FARP1: variants seen among roughly 807,000 people sequenced by gnomAD.
FARP1 encodes the protein FERM, ARHGEF and pleckstrin domain-containing protein 1.
FARP1 carries 52 observed loss-of-function variants against 128.8 expected under a neutral mutation model. That is an observed-to-expected ratio of 0.40 (90% confidence interval 0.32 to 0.51). FARP1 has a LOEUF of 0.51. Ranked by LOEUF, FARP1 falls within the 20% of genes least tolerant of loss-of-function variation. FARP1 has a pLI of 0.45. For synonymous variants in FARP1, 580 were observed against 551.8 expected (o/e 1.05, Z -0.72); for missense variants, 1,333 against 1,367.9 (o/e 0.97, Z 0.40).
intron 1 of FARP1, among the ~76,000 whole-genome samples, chr13:98,210,604 C>T (rs183081231): frequency 6.6e-5 from 10 of 150,480 alleles, no homozygotes; most frequent in East Asian, 5.9e-4. Context: ...GGCTGGAGTG[C>T]GGTGGCGCGA....
intron 1 of FARP1, among the ~76,000 whole-genome samples, chr13:98,155,084 C>T (rs187890484): frequency 5.3e-5 from 8 of 152,230 alleles, no homozygotes; most frequent in East Asian, 3.9e-4. Flanking sequence ...TGGTGGCTCA[C>T]GCCTGTAATC....
chr13:98,178,257 A>G (rs1030706686), intron 1 of FARP1, among the ~76,000 whole-genome samples: 1 of 143,340 alleles, frequency 7.0e-6, no homozygotes, highest in Non-Finnish European at 1.5e-5. Flanking sequence ...GTGCAGTTAC[A>G]TGATCCCGGC....
intron 2 of FARP1, among the ~76,000 whole-genome samples, chr13:98,253,110 A>G (rs888526883): frequency 2.0e-5 from 3 of 152,234 alleles, no homozygotes; most frequent in Non-Finnish European, 4.4e-5. Flanking sequence ...TTAGTCTGCG[A>G]CGAAAGCAAT....
intron 1 of FARP1, among the ~76,000 whole-genome samples, chr13:98,174,367 A>C (rs184390480): frequency 6.6e-6 from 1 of 152,220 alleles, no homozygotes; most frequent in African/African-American, 2.4e-5. Flanking sequence ...AGGGACATAC[A>C]TGAAGCATTG....
intron 1 of FARP1, among the ~76,000 whole-genome samples, chr13:98,212,478 G>A (rs1289634920): frequency 6.6e-6 from 1 of 152,180 alleles, no homozygotes; most frequent in Non-Finnish European, 1.5e-5. Flanking sequence ...CAGAGGCAGC[G>A]AGAGGGGAGG....
Position 98,377,173 on chromosome 13 carries a change from G to A in FARP1, c.399-648G>A, listed in dbSNP as rs1321248616. On this transcript the variant is annotated intron_variant, in intron 5 of 26. Coordinates refer to ENST00000319562, the MANE Select transcript of FARP1 (RefSeq NM_005766.4). ...AAAAATTAGCTGGGCGTGGTGGCGT[G>A]CACCTGTAGTCCCAGCTACTCGGGA... Among the ~76,000 whole-genome samples, 6 of 151,810 alleles carry A rather than the reference G, an allele frequency of 4.0e-5. No homozygotes were observed. In the South Asian group the frequency reaches 1.3e-3, roughly 32 times the overall value.
At chr13:98,226,327 G>A (rs577933666) in intron 2 of FARP1, among the ~76,000 whole-genome samples, 5 of 152,118 alleles carry the variant, frequency 3.3e-5, no homozygotes, top group Non-Finnish European at 5.9e-5. Context: ...TTCTTGCTGC[G>A]CAAGTGTTTC....
At chr13:98,435,796 C>CTTGCAAA in intron 19 of FARP1, 90 bp downstream of exon 19, 1 of 1,369,396 alleles carries the variant, frequency 7.3e-7, no homozygotes, top group East Asian at 2.3e-5. Context: ...AAGAGAGACC[C>CTTGCAAA]TTGCAAAGCA....
In FARP1 at chr13:98,451,810, C is replaced by T. The variant is rs924788307; in HGVS notation, c.*3493C>T. The T allele has an allele frequency of 6.6e-6, 1 of 152,338 alleles. No homozygotes were observed. Among genetic ancestry groups the T allele is most frequent in the Non-Finnish European group, 1.5e-5 (1 of 68,114 alleles). 9.4% of individuals were successfully genotyped at this position (152,338 alleles called of 1,614,324 possible). On this transcript the variant is annotated 3_prime_UTR_variant, in exon 27 of 27. Transcript: ENST00000319562. Reference sequence around the variant, plus strand: ...CTCCAGAAACCCAGAGATTTTCCCCCTCGCCAAGCAAGGTCCCACAGCAAA... The same window carrying T: ...CTCCAGAAACCCAGAGATTTTCCCCTTCGCCAAGCAAGGTCCCACAGCAAA...
chr13:98,281,707 G>A (rs1387611537), intron 2 of FARP1, among the ~76,000 whole-genome samples: 4 of 152,164 alleles, frequency 2.6e-5, no homozygotes, highest in African/African-American at 9.7e-5. Context: ...TGAGTCTTTG[G>A]CATTTGACAA....
At chr13:98,249,144 A>G (rs1160143889) in intron 2 of FARP1, among the ~76,000 whole-genome samples, 1 of 152,100 alleles carries the variant, frequency 6.6e-6, no homozygotes, top group East Asian at 1.9e-4. Flanking sequence ...TCCCTAGTTC[A>G]GTGGTGACCA....
intron 2 of FARP1, chr13:98,234,574 A>G (rs530865641): frequency 2.0e-4 from 31 of 152,348 alleles, no homozygotes; most frequent in African/African-American, 7.5e-4. Flanking sequence ...TGATGGAGTG[A>G]TAGTGTGTTA....
At chr13:98,299,666 TC>T (rs992633769) in intron 2 of FARP1, among the ~76,000 whole-genome samples, 3 of 152,170 alleles carry the variant, frequency 2.0e-5, no homozygotes, top group Non-Finnish European at 4.4e-5. Context: ...ATTCATAATT[TC>T]CTTCCATCCT....
rs140499936 is a variant in FARP1, at chr13:98,169,324, C to T, written c.-24+25832C>T. Among the ~76,000 whole-genome samples, 45 of 152,278 alleles carry T rather than the reference C, an allele frequency of 3.0e-4. No individual in the cohort carries two copies. The East Asian group carries it at 8.1e-3, about 27-fold the overall frequency. On this transcript the variant is annotated intron_variant, in intron 1 of 26. Coordinates refer to ENST00000319562, the MANE Select transcript of FARP1 (RefSeq NM_005766.4). Reference sequence around the variant, plus strand: ...CTTGGACACGCTCTTTTCTGGATTCCGTATCATCTCATTTCATGATTTACT... The same window carrying T: ...CTTGGACACGCTCTTTTCTGGATTCTGTATCATCTCATTTCATGATTTACT...
chr13:98,405,700 T>G (rs1480505761), intron 13 of FARP1: 2 of 152,252 alleles, frequency 1.3e-5, no homozygotes, highest in African/African-American at 4.8e-5. Flanking sequence ...CTCTTTAAAC[T>G]TCTTTCCACC....
intron 2 of FARP1, among the ~76,000 whole-genome samples, chr13:98,251,173 G>A (rs1263176820): frequency 6.6e-6 from 1 of 152,190 alleles, no homozygotes; most frequent in Non-Finnish European, 1.5e-5. Flanking sequence ...AAGTTAAGTG[G>A]ACAGCTGTTA....
intron 1 of FARP1, among the ~76,000 whole-genome samples, chr13:98,163,468 A>G (rs1156899430): frequency 6.6e-6 from 1 of 152,184 alleles, no homozygotes; most frequent in African/African-American, 2.4e-5. Context: ...AAAATTAAAA[A>G]CAAAAAATTG....
At position 98,438,802 on chromosome 13, in the gene FARP1, A is replaced by G; in HGVS notation, c.2275-2A>G. Reference sequence around the variant, plus strand: ...CAGCCCTCCGGTCTGTCTCCCCTGCAGGAGTTCATCCGTCTGGGCAGCCTC... The same window carrying G: ...CAGCCCTCCGGTCTGTCTCCCCTGCGGGAGTTCATCCGTCTGGGCAGCCTC... On this transcript the variant is annotated splice_acceptor_variant, in intron 19 of 26. Transcript: ENST00000319562. LOFTEE classifies it high-confidence loss of function. 6.2e-7 allele frequency: 1 copy of G among 1,612,208 alleles called. No homozygotes were observed. Among genetic ancestry groups the G allele is most frequent in the Non-Finnish European group, 8.5e-7 (1 of 1,179,692 alleles).
At chr13:98,161,765 C>G (rs1184987092) in intron 1 of FARP1, among the ~76,000 whole-genome samples, 1 of 151,906 alleles carries the variant, frequency 6.6e-6, no homozygotes, top group East Asian at 1.9e-4. Context: ...CTCCCTCCAT[C>G]GTTCCTTCCT....
Sources: allele counts gnomAD v4.1 joint callset (sites outside exome capture counted in the v4.1 genomes callset), GRCh38; gene constraint gnomAD v4.1.1; transcripts MANE v1.5; gene names NCBI Gene and HGNC (gene_info 2026-07-23, HGNC 2026-07-21).